Variants in HDAC9 observed in about 807,000 individuals in gnomAD.
HDAC9 encodes the protein histone deacetylase 9, also known as MEF-2 interacting transcription repressor (MITR) protein.
Under a neutral mutation model 139.4 loss-of-function variants are expected in HDAC9, and 41 were observed. The observed-to-expected ratio is 0.29, with a 90% CI of 0.23 to 0.38. The LOEUF (loss-of-function observed/expected upper bound fraction) is 0.38. Ranked by LOEUF, HDAC9 falls within the 10% of genes least tolerant of loss-of-function variation. The pLI is 1.00. For missense variants in HDAC9, 1,147 were observed against 1,297.0 expected (o/e 0.88, Z 1.78); for synonymous variants, 517 against 476.2 (o/e 1.09, Z -1.12).
chr7:18,936,932 T>C (rs1046240125), intron 23 of HDAC9, among the ~76,000 whole-genome samples: 5 of 152,188 alleles, frequency 3.3e-5, no homozygotes, highest in Non-Finnish European at 7.4e-5. Flanking sequence ...CATATGATTA[T>C]TTTTCATATA....
intron 2 of HDAC9, among the ~76,000 whole-genome samples, chr7:18,216,129 T>A (rs1729312): frequency 0.29 from 41,955 of 143,308 alleles, 6,204 homozygotes; most frequent in South Asian, 0.41. Flanking sequence ...TGTGTGTGTG[T>A]GAGAGAGAGA....
chr7:18,968,382 A>C (rs1366556382), intron 24 of HDAC9, among the ~76,000 whole-genome samples: 1 of 152,098 alleles, frequency 6.6e-6, no homozygotes, highest in Admixed American at 6.6e-5. Flanking sequence ...AGTAACTGCT[A>C]TCGAAGTTGC....
At chr7:18,899,847 A>G (rs998106117) in intron 22 of HDAC9, among the ~76,000 whole-genome samples, 4 of 152,052 alleles carry the variant, frequency 2.6e-5, no homozygotes, top group South Asian at 2.1e-4. Context: ...CCTGTAATAT[A>G]AAAAAATTAT....
intron 3 of HDAC9, among the ~76,000 whole-genome samples, chr7:18,589,005 T>G (rs1830199558): frequency 6.6e-6 from 1 of 152,168 alleles, no homozygotes; most frequent in South Asian, 2.1e-4. Flanking sequence ...CTAAATTTTA[T>G]GTACGTTATG....
intron 1 of HDAC9, among the ~76,000 whole-genome samples, chr7:18,441,561 C>T (rs1035954023): frequency 6.6e-6 from 1 of 152,202 alleles, no homozygotes; most frequent in African/African-American, 2.4e-5. Context: ...CTTATTTTCA[C>T]ACATGCATAA....
At chr7:18,934,325 G>A (rs536867318) in intron 22 of HDAC9, among the ~76,000 whole-genome samples, 2 of 151,394 alleles carry the variant, frequency 1.3e-5, no homozygotes, top group African/African-American at 4.8e-5. Context: ...ATTCATTATG[G>A]CCAATACAGG....
At chr7:18,298,879 A>G (rs1439146845) in intron 1 of HDAC9, among the ~76,000 whole-genome samples, 1 of 152,168 alleles carries the variant, frequency 6.6e-6, no homozygotes, top group Non-Finnish European at 1.5e-5. Context: ...TCATATCAGC[A>G]TTTTGTGATT....
intron 1 of HDAC9, among the ~76,000 whole-genome samples, chr7:18,156,735 G>GATGTATGGTCTAACATATGTGAT (rs1787234254): frequency 6.6e-6 from 1 of 152,102 alleles, no homozygotes; most frequent in Non-Finnish European, 1.5e-5. Context: ...TGTTATTATG[G>GATGTATGGTCTAACATATGTGAT]GTATGGTACA....
intron 21 of HDAC9, among the ~76,000 whole-genome samples, chr7:18,869,878 G>A (rs943619688): frequency 8.8e-6 from 1 of 113,042 alleles, no homozygotes; most frequent in Admixed American, 8.9e-5. Flanking sequence ...TCTTTTTTGG[G>A]TTTTTTTTGT....
chr7:18,621,677 A>G (rs993777368), intron 6 of HDAC9, among the ~76,000 whole-genome samples: 22 of 152,218 alleles, frequency 1.4e-4, no homozygotes, highest in African/African-American at 5.3e-4. Context: ...TAGTTACATT[A>G]GAAATTTTGC....
At chr7:18,340,907 C>G (rs1007512979) in intron 1 of HDAC9, among the ~76,000 whole-genome samples, 5 of 151,482 alleles carry the variant, frequency 3.3e-5, no homozygotes, top group African/African-American at 9.7e-5. Context: ...TCCAAGTCTG[C>G]TGGTGATGAA....
chr7:18,480,586 A>G (rs914688306), intron 1 of HDAC9, among the ~76,000 whole-genome samples: 1 of 152,182 alleles, frequency 6.6e-6, no homozygotes, highest in Non-Finnish European at 1.5e-5. Flanking sequence ...AGGTGGTTGT[A>G]GTGAGCTGAA....
intron 1 of HDAC9, among the ~76,000 whole-genome samples, chr7:18,386,700 C>G (rs544625588): frequency 2.0e-4 from 31 of 152,298 alleles, no homozygotes; most frequent in African/African-American, 7.2e-4. Context: ...ACGATTAAAC[C>G]ATAGCTGGAA....
At chr7:18,211,211 G>A (rs1430490272) in intron 2 of HDAC9, among the ~76,000 whole-genome samples, 1 of 152,210 alleles carries the variant, frequency 6.6e-6, no homozygotes, top group African/African-American at 2.4e-5. Flanking sequence ...TTATTGAGCT[G>A]TGCTTCCATA....
chr7:18,490,911 T>C (rs1391635918), upstream of HDAC9, among the ~76,000 whole-genome samples: 1 of 151,980 alleles, frequency 6.6e-6, no homozygotes, highest in African/African-American at 2.4e-5. Flanking sequence ...CATACTACAA[T>C]TGTAGAGCAC....
chr7:18,334,843 A>T (rs561453410), intron 1 of HDAC9, among the ~76,000 whole-genome samples: 2 of 151,402 alleles, frequency 1.3e-5, no homozygotes, highest in African/African-American at 4.8e-5. Flanking sequence ...CTGAAACTCT[A>T]ATGGGTCCAG....
intron 1 of HDAC9, among the ~76,000 whole-genome samples, chr7:18,125,420 C>CAT (rs1302247024): frequency 6.1e-4 from 81 of 132,848 alleles, no homozygotes; most frequent in Non-Finnish European, 6.3e-4. Flanking sequence ...TACACTAACA[C>CAT]ATATATATAT....
At chr7:18,969,329 G>A (rs1784101725) in intron 24 of HDAC9, among the ~76,000 whole-genome samples, 1 of 152,114 alleles carries the variant, frequency 6.6e-6, no homozygotes, top group African/African-American at 2.4e-5. Flanking sequence ...GACTAAATTA[G>A]CCTTACATTA....
At chr7:18,573,761 G>T (rs1825060733) in intron 2 of HDAC9, among the ~76,000 whole-genome samples, 1 of 152,168 alleles carries the variant, frequency 6.6e-6, no homozygotes, top group African/African-American at 2.4e-5. Context: ...TTCTGCTATG[G>T]GCATCCGTGT....
Sources: gnomAD v4.1 joint callset for allele counts (sites outside exome capture counted in the v4.1 genomes callset) on GRCh38, gnomAD v4.1.1 for gene constraint, MANE v1.5 for transcripts, NCBI Gene and HGNC (gene_info 2026-07-23, HGNC 2026-07-21) for gene names.